The following SYT1 variants were observed in gnomAD, a reference collection of about 807,000 sequenced individuals.
The protein encoded by SYT1 is synaptotagmin 1, also known as synaptotagmin-1.
A neutral mutation model predicts 44.8 loss-of-function variants in SYT1; 8 were observed. The observed-to-expected ratio is 0.18, with a 90% CI of 0.10 to 0.32. The LOEUF (loss-of-function observed/expected upper bound fraction) is 0.32. Ranked by LOEUF, SYT1 falls within the 10% of genes least tolerant of loss-of-function variation. The probability of loss-of-function intolerance (pLI) is 1.00; values close to 1 mark genes in which losing one functional copy is unlikely to be tolerated. For missense variants in SYT1, 286 were observed against 509.3 expected (o/e 0.56, Z 4.22); for synonymous variants, 154 against 188.8 (o/e 0.82, Z 1.51).
intron 3 of SYT1, among the ~76,000 whole-genome samples, chr12:79,069,862 T>C (rs1281484417): frequency 2.0e-5 from 3 of 152,066 alleles, no homozygotes; most frequent in Non-Finnish European, 4.4e-5. Flanking sequence ...TACTGCTGTT[T>C]TGAGATGCAA....
intron 8 of SYT1, among the ~76,000 whole-genome samples, chr12:79,337,717 G>T (rs1030534774): frequency 6.6e-6 from 1 of 152,154 alleles, no homozygotes; most frequent in Admixed American, 6.5e-5. Flanking sequence ...TTTCATGAAC[G>T]CTCCAGGATC....
chr12:79,143,388 A>AT (rs1869683988), intron 3 of SYT1, among the ~76,000 whole-genome samples: 1 of 152,194 alleles, frequency 6.6e-6, no homozygotes, highest in Non-Finnish European at 1.5e-5. Flanking sequence ...ACTGGTTTAT[A>AT]TCCTCAACCA....
At chr12:79,394,416 A>C (rs1444774385) in intron 9 of SYT1, among the ~76,000 whole-genome samples, 1 of 152,212 alleles carries the variant, frequency 6.6e-6, no homozygotes, top group Non-Finnish European at 1.5e-5. Flanking sequence ...TTTAGATTTA[A>C]CCTGTGTAGG....
chr12:79,187,336 G>A (rs965340771), intron 3 of SYT1, among the ~76,000 whole-genome samples: 2 of 152,076 alleles, frequency 1.3e-5, no homozygotes, highest in African/African-American at 4.8e-5. Flanking sequence ...GAGAGCACTG[G>A]AATAATTCTC....
At chr12:78,891,218 A>G (rs906289411) in intron 1 of SYT1, among the ~76,000 whole-genome samples, 1 of 151,924 alleles carries the variant, frequency 6.6e-6, no homozygotes, top group African/African-American at 2.4e-5. Flanking sequence ...CTAGCCGCCA[A>G]CATATAATTT....
chr12:78,944,055 T>C (rs544919621), intron 1 of SYT1, among the ~76,000 whole-genome samples: 1 of 152,216 alleles, frequency 6.6e-6, no homozygotes, highest in Non-Finnish European at 1.5e-5. Context: ...CTTATACCTT[T>C]TGGTTGTATA....
chr12:78,872,059 A>G (rs897182002), intron 1 of SYT1, among the ~76,000 whole-genome samples: 30 of 152,036 alleles, frequency 2.0e-4, no homozygotes, highest in Admixed American at 1.6e-3. Context: ...CAAATAATGT[A>G]CCTATTTTTA....
chr12:78,872,986 A>G (rs1437888140), intron 1 of SYT1, among the ~76,000 whole-genome samples: 1 of 151,778 alleles, frequency 6.6e-6, no homozygotes, highest in Non-Finnish European at 1.5e-5. Context: ...AAAAACTGGC[A>G]TGTACTATTT....
At chr12:79,447,693 G>A (rs1238161715) in intron 10 of SYT1, among the ~76,000 whole-genome samples, 1 of 152,116 alleles carries the variant, frequency 6.6e-6, no homozygotes, top group African/African-American at 2.4e-5. Flanking sequence ...CTATCCAGTG[G>A]ATAGTTAATT....
At chr12:79,316,648 T>C (rs73352919) in intron 8 of SYT1, among the ~76,000 whole-genome samples, 1,614 of 152,342 alleles carry the variant, frequency 0.011, 31 homozygotes, top group African/African-American at 0.037. Context: ...TGATGCTCAG[T>C]ACCACCTTGA....
intron 1 of SYT1, among the ~76,000 whole-genome samples, chr12:78,897,344 A>G (rs1173068857): frequency 1.3e-5 from 2 of 151,968 alleles, no homozygotes; most frequent in African/African-American, 4.8e-5. Flanking sequence ...ACATGGGAAT[A>G]TTACCCAGTA....
intron 3 of SYT1, among the ~76,000 whole-genome samples, chr12:79,126,982 T>A (rs1273521855): frequency 6.6e-6 from 1 of 152,196 alleles, no homozygotes; most frequent in East Asian, 1.9e-4. Flanking sequence ...TGTAGGACCA[T>A]AGCCCACCAG....
chr12:79,103,213 G>A (rs1047524695), intron 3 of SYT1, among the ~76,000 whole-genome samples: 4 of 152,058 alleles, frequency 2.6e-5, no homozygotes, highest in African/African-American at 9.7e-5. Context: ...ATTCAAAAAA[G>A]TGAAGACATG....
chr12:79,352,614 T>C (rs78039736), intron 8 of SYT1, among the ~76,000 whole-genome samples: 3,155 of 152,272 alleles, frequency 0.021, 41 homozygotes, highest in Middle Eastern at 0.065. Flanking sequence ...ATTCTACTTA[T>C]GTTGAACAAT....
intron 8 of SYT1, among the ~76,000 whole-genome samples, chr12:79,331,687 C>CA (rs1473113842): frequency 2.0e-5 from 3 of 152,058 alleles, no homozygotes; most frequent in Admixed American, 1.3e-4. Context: ...TGGACATCTA[C>CA]AAACTTCTTT....
intron 1 of SYT1, among the ~76,000 whole-genome samples, chr12:78,942,649 G>A (rs1878439077): frequency 6.6e-6 from 1 of 152,198 alleles, no homozygotes; most frequent in Admixed American, 6.5e-5. Flanking sequence ...TACTTGGAAG[G>A]TAGTACCAGC....
At chr12:79,433,446 CAG>C (rs1869912709) in intron 9 of SYT1, among the ~76,000 whole-genome samples, 1 of 152,122 alleles carries the variant, frequency 6.6e-6, no homozygotes, top group African/African-American at 2.4e-5. Context: ...TACCAAGTAA[CAG>C]TGTTACTGAT....
At chr12:78,966,346 TAA>T (rs1180582504) in intron 1 of SYT1, among the ~76,000 whole-genome samples, 1 of 152,120 alleles carries the variant, frequency 6.6e-6, no homozygotes. Context: ...CTCTTAACTC[TAA>T]GATTGGTACC....
At chr12:79,360,659 A>G (rs1180586058) in intron 9 of SYT1, among the ~76,000 whole-genome samples, 2 of 152,244 alleles carry the variant, frequency 1.3e-5, no homozygotes, top group Non-Finnish European at 2.9e-5. Context: ...CTAATGGGAC[A>G]GGAATATGCA....
Sources: allele counts gnomAD v4.1 joint callset (sites outside exome capture counted in the v4.1 genomes callset), GRCh38; gene constraint gnomAD v4.1.1; transcripts MANE v1.5; gene names NCBI Gene and HGNC (gene_info 2026-07-23, HGNC 2026-07-21).